KCTD16: variants seen among roughly 807,000 people sequenced by gnomAD.
KCTD16 encodes potassium channel tetramerization domain containing 16.
In KCTD16, 13 loss-of-function variants were observed where a neutral mutation model predicts 33.2. The observed-to-expected ratio is 0.39, with a 90% CI of 0.25 to 0.62. The LOEUF is 0.62. KCTD16 is among the 20% of genes least tolerant of loss of function. The pLI, the probability that KCTD16 is intolerant of heterozygous loss-of-function variation, is 0.50. For missense variants in KCTD16, 441 were observed against 525.1 expected (o/e 0.84, Z 1.57); for synonymous variants, 197 against 195.3 (o/e 1.01, Z -0.07).
chr5:144,442,657 T>C (rs1328305186), intron 3 of KCTD16, among the ~76,000 whole-genome samples: 2 of 151,890 alleles, frequency 1.3e-5, no homozygotes, highest in Non-Finnish European at 2.9e-5. Context: ...GTTTTGGAGT[T>C]ACCAGCCTCT....
chr5:144,328,180 A>G (rs764421896), intron 3 of KCTD16, among the ~76,000 whole-genome samples: 1 of 152,210 alleles, frequency 6.6e-6, no homozygotes, highest in Non-Finnish European at 1.5e-5. Context: ...AGGAGAAATA[A>G]AGAATGAAAA....
chr5:144,399,402 T>C (rs1389844785), intron 3 of KCTD16, among the ~76,000 whole-genome samples: 1 of 152,102 alleles, frequency 6.6e-6, no homozygotes, highest in Non-Finnish European at 1.5e-5. Context: ...AGACAGTGAT[T>C]AGGCTTCTTT....
At chr5:144,469,386 C>A (rs770793991) in intron 3 of KCTD16, among the ~76,000 whole-genome samples, 2 of 152,144 alleles carry the variant, frequency 1.3e-5, no homozygotes, top group Admixed American at 1.3e-4. Context: ...GCTGTAACAT[C>A]GGTGTCATTA....
intron 3 of KCTD16, among the ~76,000 whole-genome samples, chr5:144,209,368 G>A (rs986182347): frequency 2.0e-5 from 3 of 152,072 alleles, no homozygotes; most frequent in South Asian, 2.1e-4. Flanking sequence ...TGACTATGTC[G>A]TTTCTTCTTT....
intron 3 of KCTD16, among the ~76,000 whole-genome samples, chr5:144,260,160 A>T (rs1418299871): frequency 3.3e-5 from 5 of 152,222 alleles, no homozygotes; most frequent in Non-Finnish European, 7.3e-5. Context: ...ATGAGCAGAC[A>T]AGAAAAAGTC....
At chr5:144,313,783 C>T (rs576531604) in intron 3 of KCTD16, among the ~76,000 whole-genome samples, 2 of 152,214 alleles carry the variant, frequency 1.3e-5, no homozygotes, top group East Asian at 3.9e-4. Flanking sequence ...CCCTTAAATA[C>T]TTTTGCTCTT....
chr5:144,264,392 T>C (rs1755087682), intron 3 of KCTD16, among the ~76,000 whole-genome samples: 1 of 152,188 alleles, frequency 6.6e-6, no homozygotes, highest in African/African-American at 2.4e-5. Context: ...TCTCTAAATG[T>C]TAATACATAT....
At chr5:144,374,037 T>G (rs1379401623) in intron 3 of KCTD16, among the ~76,000 whole-genome samples, 1 of 152,192 alleles carries the variant, frequency 6.6e-6, no homozygotes, top group East Asian at 1.9e-4. Context: ...GTACAGACCA[T>G]TATGATTATA....
chr5:144,469,606 C>G (rs886562547), intron 3 of KCTD16, among the ~76,000 whole-genome samples: 3 of 152,116 alleles, frequency 2.0e-5, no homozygotes, highest in African/African-American at 4.8e-5. Flanking sequence ...TAATTTTCTT[C>G]AAAGCCCTGT....
chr5:144,222,997 A>G (rs1422678155), intron 3 of KCTD16, among the ~76,000 whole-genome samples: 1 of 152,196 alleles, frequency 6.6e-6, no homozygotes, highest in Admixed American at 6.5e-5. Flanking sequence ...TTGTAGGGAC[A>G]TGGATGAAGC....
chr5:144,226,993 C>T (rs1157685475), intron 3 of KCTD16, among the ~76,000 whole-genome samples: 1 of 152,166 alleles, frequency 6.6e-6, no homozygotes, highest in African/African-American at 2.4e-5. Context: ...TAAACAGCTA[C>T]TATATGCCAA....
chr5:144,339,234 A>T (rs1752567390), intron 3 of KCTD16, among the ~76,000 whole-genome samples: 1 of 152,220 alleles, frequency 6.6e-6, no homozygotes, highest in African/African-American at 2.4e-5. Context: ...TCATTTTACA[A>T]ATAAGCAAAC....
intron 3 of KCTD16, among the ~76,000 whole-genome samples, chr5:144,313,339 C>G (rs1181263202): frequency 6.6e-6 from 1 of 152,194 alleles, no homozygotes; most frequent in African/African-American, 2.4e-5. Flanking sequence ...CTTTTGCCAG[C>G]TTCAGTTTTC....
intron 3 of KCTD16, among the ~76,000 whole-genome samples, chr5:144,319,370 C>T (rs1480023939): frequency 4.6e-5 from 7 of 152,180 alleles, no homozygotes; most frequent in Admixed American, 4.6e-4. Flanking sequence ...CACAAGTGTA[C>T]TTCTATGCAT....
At chr5:144,219,656 G>A (rs1172960109) in intron 3 of KCTD16, among the ~76,000 whole-genome samples, 2 of 151,690 alleles carry the variant, frequency 1.3e-5, no homozygotes, top group African/African-American at 4.8e-5. Flanking sequence ...GAGTAGCTGG[G>A]ACTCCAGGCA....
chr5:144,336,151 AGC>A (rs1288815652), intron 3 of KCTD16, among the ~76,000 whole-genome samples: 1 of 152,224 alleles, frequency 6.6e-6, no homozygotes, highest in Non-Finnish European at 1.5e-5. Context: ...GGAAAAGCAG[AGC>A]TGCTACAAAA....
intron 3 of KCTD16, among the ~76,000 whole-genome samples, chr5:144,457,727 C>T (rs1435867006): frequency 6.6e-6 from 1 of 152,108 alleles, no homozygotes; most frequent in African/African-American, 2.4e-5. Context: ...TATTATTTTG[C>T]AAAATGTTTT....
intron 3 of KCTD16, among the ~76,000 whole-genome samples, chr5:144,361,662 T>G (rs1010675637): frequency 6.6e-6 from 1 of 152,202 alleles, no homozygotes; most frequent in African/African-American, 2.4e-5. Flanking sequence ...AAAGACTGTA[T>G]GACAAGTGCC....
At chr5:144,194,442 T>G (rs1474520076) in intron 2 of KCTD16, among the ~76,000 whole-genome samples, 1 of 152,248 alleles carries the variant, frequency 6.6e-6, no homozygotes, top group Non-Finnish European at 1.5e-5. Context: ...CCTTCACATC[T>G]GTAAGGGGTC....
Sources: allele counts gnomAD v4.1 joint callset (sites outside exome capture counted in the v4.1 genomes callset), GRCh38; gene constraint gnomAD v4.1.1; transcripts MANE v1.5; gene names NCBI Gene and HGNC (gene_info 2026-07-23, HGNC 2026-07-21).